The following TULP3 variants were observed in gnomAD, a reference collection of about 807,000 sequenced individuals.
The protein encoded by TULP3 is TUB like protein 3.
In TULP3, 38 loss-of-function variants were observed where a neutral mutation model predicts 50.7. The ratio of observed to expected loss-of-function variants is 0.75; its 90% CI spans 0.58 to 0.98. The LOEUF (loss-of-function observed/expected upper bound fraction) is 0.98, where lower values mean the gene tolerates loss of function less well. Among genes scored for constraint, TULP3 ranks in the 50% least tolerant of loss-of-function variants. The pLI, the probability that TULP3 is intolerant of heterozygous loss-of-function variation, is 0.00. For synonymous variants in TULP3, 183 were observed against 196.6 expected, an observed-to-expected ratio of 0.93 and a Z score of 0.58; for missense variants, 550 against 568.0, an observed-to-expected ratio of 0.97 and a Z score of 0.32.
chr12:2,890,891 A>C lies in TULP3; in HGVS notation c.-57A>C. 6.6e-7 allele frequency: 1 copy of C among 1,517,526 alleles called. No homozygotes were observed. The highest frequency in any genetic ancestry group is 1.3e-5 in the South Asian group (1 of 79,956). The allele number at this position is 1,517,526 out of a possible 1,614,324, so 94.0% of individuals were successfully genotyped here. ...GACGCGGCGGCGTGCCAGCCTAGCC[A>C]CTCTAGCGACGGCGGGGAAGAGTGT... On this transcript the variant is annotated 5_prime_UTR_variant, in exon 1 of 11. Transcript: ENST00000448120.
At chr12:2,930,192 C>T in intron 4 of TULP3, 56 bp from the exon 5 acceptor site, 1 of 1,213,238 alleles carries the variant, frequency 8.2e-7, no homozygotes. Flanking sequence ...ATCTTTGTTT[C>T]AAAGACCTTT....
intron 2 of TULP3, among the ~76,000 whole-genome samples, chr12:2,914,041 T>A (rs1355378628): frequency 6.6e-6 from 1 of 152,212 alleles, no homozygotes; most frequent in Non-Finnish European, 1.5e-5. Context: ...ATTTAAGGTA[T>A]CCATCACCTC....
chr12:2,923,393 G>A (rs1437965714), intron 4 of TULP3, among the ~76,000 whole-genome samples: 1 of 152,002 alleles, frequency 6.6e-6, no homozygotes, highest in Admixed American at 6.6e-5. Flanking sequence ...AGTGGCTCAC[G>A]CCTATAATTC....
intron 1 of TULP3, among the ~76,000 whole-genome samples, chr12:2,904,025 G>A (rs779356093): frequency 7.9e-5 from 12 of 152,074 alleles, no homozygotes; most frequent in African/African-American, 1.2e-4. Context: ...CTCGTGATCC[G>A]CCCGCCTTGG....
At chr12:2,937,136 ATAT>A in intron 8 of TULP3, among the ~76,000 whole-genome samples, 1 of 147,028 alleles carries the variant, frequency 6.8e-6, no homozygotes, top group Non-Finnish European at 1.5e-5. Flanking sequence ...AAGAGATATA[ATAT>A]TACTTTCCTG....
intron 1 of TULP3, among the ~76,000 whole-genome samples, chr12:2,900,642 A>G (rs2098178588): frequency 6.6e-6 from 1 of 151,714 alleles, no homozygotes; most frequent in African/African-American, 2.4e-5. Flanking sequence ...AACTATTGTT[A>G]ATAGTTTGTG....
intron 1 of TULP3, among the ~76,000 whole-genome samples, chr12:2,909,313 G>A (rs2098184098): frequency 6.6e-6 from 1 of 152,092 alleles, no homozygotes; most frequent in Non-Finnish European, 1.5e-5. Flanking sequence ...CTTGTCCTTG[G>A]AGTATTTCAG....
chr12:2,892,460 GAA>G (rs62698560), intron 1 of TULP3, among the ~76,000 whole-genome samples: 2 of 150,792 alleles, frequency 1.3e-5, no homozygotes, highest in Admixed American at 6.6e-5. Flanking sequence ...ATTTTTTGGG[GAA>G]AAAAAAACGG....
chr12:2,904,971 G>T (rs968923733), intron 1 of TULP3, among the ~76,000 whole-genome samples: 2 of 151,648 alleles, frequency 1.3e-5, no homozygotes, highest in African/African-American at 4.8e-5. Context: ...TGTTATCCCA[G>T]CTGCTTGGGA....
Position 2,939,029 on chromosome 12 carries a change from C to G in TULP3, c.1196-282C>G, listed in dbSNP as rs1330842742. 1.3e-5 allele frequency among the ~76,000 whole-genome samples: 2 copies of G among 152,010 alleles called. No individual in the cohort carries two copies. Reference sequence around the variant, plus strand: ...ATCACTTGAGCCTAGGTGTTTGAGACCAGCTTGAGCAACATAGTGAGACCC... The same window carrying G: ...ATCACTTGAGCCTAGGTGTTTGAGAGCAGCTTGAGCAACATAGTGAGACCC... On this transcript the variant is annotated intron_variant, in intron 10 of 10. Coordinates refer to ENST00000448120, the MANE Select transcript of TULP3 (RefSeq NM_003324.5). The surrounding 1 kb of genome is among the most constrained non-coding windows in gnomAD (Gnocchi z 4.0).
chr12:2,905,063 C>T (rs540535971), intron 1 of TULP3, among the ~76,000 whole-genome samples: 4 of 124,032 alleles, frequency 3.2e-5, no homozygotes, highest in African/African-American at 1.2e-4. Flanking sequence ...CCAGCCTGGA[C>T]GACAGAGTGA....
At position 2,940,450 on chromosome 12, in the gene TULP3, G is replaced by A. The variant is rs555508436; in HGVS notation, c.*1006G>A. Reference sequence around the variant, plus strand: ...CTCCCTCAACCCTGGCTCAGGCACAGAAGGTGTTTTGCTACGTTTTTTTGA... The same window carrying A: ...CTCCCTCAACCCTGGCTCAGGCACAAAAGGTGTTTTGCTACGTTTTTTTGA... On this transcript the variant is annotated 3_prime_UTR_variant, in exon 11 of 11. Coordinates refer to ENST00000448120, the MANE Select transcript of TULP3 (RefSeq NM_003324.5). The A allele has an allele frequency of 9.0e-5, 133 of 1,483,812 alleles. No homozygotes were observed. The highest frequency in any genetic ancestry group is 1.1e-4 in the Non-Finnish European group (118 of 1,114,746). The allele number at this position is 1,483,812 out of a possible 1,614,324, so 91.9% of individuals were successfully genotyped here.
chr12:2,938,241 C>T lies in TULP3; in HGVS notation c.1151C>T (p.Thr384Ile). Reference sequence around the variant, plus strand: ...GTCCTCAACTTCCGTGGCCGGGTCACTCAGGCGTCTGTGAAGAACTTCCAG... The same window carrying T: ...GTCCTCAACTTCCGTGGCCGGGTCATTCAGGCGTCTGTGAAGAACTTCCAG... ...SYVLNFRGRVTQASVKNFQIV... is the reference protein window; with the variant it reads ...SYVLNFRGRVIQASVKNFQIV... Residue 384 changes from threonine (T) to isoleucine (I), a missense_variant, in exon 10 of 11, where the codon ACT becomes ATT. Thr to Ile is a moderately conservative substitution (Grantham distance 89). Transcript: ENST00000448120. The T allele has an allele frequency of 6.2e-7, 1 of 1,614,140 alleles. No homozygotes were observed. Among genetic ancestry groups the T allele is most frequent in the South Asian group, 1.1e-5 (1 of 91,084 alleles).
At chr12:2,926,439 T>A (rs564816615) in intron 4 of TULP3, among the ~76,000 whole-genome samples, 1 of 152,322 alleles carries the variant, frequency 6.6e-6, no homozygotes, top group East Asian at 1.9e-4. Flanking sequence ...CAGCTGTGAT[T>A]TGGCCACTGC....
At chr12:2,928,401 A>G (rs1338851731) in intron 4 of TULP3, among the ~76,000 whole-genome samples, 1 of 151,994 alleles carries the variant, frequency 6.6e-6, no homozygotes, top group Non-Finnish European at 1.5e-5. Context: ...GTGGTGGCAC[A>G]TGCCTGTAAT....
chr12:2,899,997 C>T (rs925975497), intron 1 of TULP3, among the ~76,000 whole-genome samples: 1 of 151,876 alleles, frequency 6.6e-6, no homozygotes, highest in Non-Finnish European at 1.5e-5. Context: ...GGCGCGTCAC[C>T]TGAGATCACG....
intron 1 of TULP3, among the ~76,000 whole-genome samples, chr12:2,891,606 T>C (rs1167424280): frequency 1.3e-5 from 2 of 152,128 alleles, no homozygotes; most frequent in Non-Finnish European, 2.9e-5. Flanking sequence ...AAAAAAAGGA[T>C]CCAAAATCTC....
chr12:2,909,566 A>G lies in TULP3; in HGVS notation c.79A>G (p.Lys27Glu), dbSNP rs2098184288. ...AGAAATGATGAAGATGCGACAGGCT[A>G]AGCTGGATTATCAGGTGAGCAGAGT... ...HEEMMKMRQA[K>E]LDYQRLLLEK... Residue 27 changes from lysine (K) to glutamate (E), a missense_variant, in exon 2 of 11, where the codon AAG (lysine) becomes GAG (glutamate). Lys to Glu is a moderately conservative substitution (Grantham distance 56). Coordinates refer to ENST00000448120, the MANE Select transcript of TULP3 (RefSeq NM_003324.5). 6.3e-7 allele frequency: 1 copy of G among 1,579,400 alleles called. No individual in the cohort carries two copies. The highest frequency in any genetic ancestry group is 2.3e-5 in the East Asian group (1 of 43,924).
chr12:2,907,127 C>G (rs942477644), intron 1 of TULP3, among the ~76,000 whole-genome samples: 4 of 151,788 alleles, frequency 2.6e-5, no homozygotes, highest in Non-Finnish European at 5.9e-5. Flanking sequence ...CACTTGAGGT[C>G]AGGAGTTCAA....
Sources: gnomAD v4.1 joint callset for allele counts (sites outside exome capture counted in the v4.1 genomes callset) on GRCh38, gnomAD v4.1.1 for gene constraint, Gnocchi (gnomAD v3.1) non-coding constraint, MANE v1.5 for transcripts, NCBI Gene and HGNC (gene_info 2026-07-23, HGNC 2026-07-21) for gene names.